GRIA1: variants seen among roughly 807,000 people sequenced by gnomAD.
GRIA1 encodes glutamate ionotropic receptor AMPA type subunit 1.
A neutral mutation model predicts 99.2 loss-of-function variants in GRIA1; 31 were observed. That is an observed-to-expected ratio of 0.31 (90% confidence interval 0.23 to 0.42). The LOEUF (loss-of-function observed/expected upper bound fraction) is 0.42. Among genes scored for constraint, GRIA1 ranks in the 10% least tolerant of loss-of-function variants. The pLI is 1.00. For synonymous variants in GRIA1, 438 were observed against 432.4 expected, an observed-to-expected ratio of 1.01 and a Z score of -0.16; for missense variants, 782 against 1,157.5, an observed-to-expected ratio of 0.68 and a Z score of 4.71.
chr5:153,655,890 GGCTCTCA>G lies in GRIA1; in HGVS notation c.699+23_699+29del. 1 of 1,608,770 alleles carries G rather than the reference GGCTCTCA, an allele frequency of 6.2e-7. No individual in the cohort carries two copies. Among genetic ancestry groups the G allele is most frequent in the Non-Finnish European group, 8.5e-7 (1 of 1,175,454 alleles). ...CAAATCTGGTGAGTAGAGCACTGCA[GGCTCTCA>G]GCTCAAGTCCTTTCCAGGTTTGGGG... On this transcript the variant is annotated intron_variant, in intron 5 of 15. Transcript: ENST00000285900.
intron 2 of GRIA1, among the ~76,000 whole-genome samples, chr5:153,510,987 A>G (rs1756012061): frequency 1.3e-5 from 2 of 152,188 alleles, no homozygotes; most frequent in Non-Finnish European, 2.9e-5. Flanking sequence ...CTGATTAAGC[A>G]AAGTATAAGG....
chr5:153,561,616 A>G (rs184680700), intron 2 of GRIA1, among the ~76,000 whole-genome samples: 28 of 152,236 alleles, frequency 1.8e-4, no homozygotes, highest in Admixed American at 9.8e-4. Context: ...GAAATGGGGG[A>G]AAAAAAGCTT....
chr5:153,632,920 T>G (rs74569903), intron 2 of GRIA1, among the ~76,000 whole-genome samples: 26,969 of 152,212 alleles, frequency 0.18, 2,803 homozygotes, highest in Non-Finnish European at 0.24. Context: ...AGTGAAAAGC[T>G]TTCCACTGGA....
chr5:153,571,992 T>A (rs1296512276), intron 2 of GRIA1, among the ~76,000 whole-genome samples: 1 of 152,192 alleles, frequency 6.6e-6, no homozygotes, highest in Non-Finnish European at 1.5e-5. Flanking sequence ...TAAGAGCCTT[T>A]TAGACTTCCC....
At chr5:153,617,189 A>ATG (rs58804909) in intron 2 of GRIA1, among the ~76,000 whole-genome samples, 3,991 of 152,306 alleles carry the variant, frequency 0.026, 164 homozygotes, top group African/African-American at 0.091. Context: ...TGAGATTCCT[A>ATG]TGAGCCAGAG....
intron 5 of GRIA1, among the ~76,000 whole-genome samples, chr5:153,664,545 C>T (rs1259758931): frequency 1.3e-5 from 2 of 151,920 alleles, no homozygotes; most frequent in African/African-American, 4.8e-5. Context: ...GCTTTTGCTG[C>T]AAGACCTTCC....
chr5:153,497,484 A>ATG (rs1754555837), intron 2 of GRIA1, among the ~76,000 whole-genome samples: 11 of 152,304 alleles, frequency 7.2e-5, no homozygotes, highest in East Asian at 3.9e-4. Flanking sequence ...ACACTGGGCC[A>ATG]GACGCTAGGA....
At chr5:153,728,961 A>G (rs1760789145) in intron 11 of GRIA1, among the ~76,000 whole-genome samples, 1 of 133,244 alleles carries the variant, frequency 7.5e-6, no homozygotes, top group African/African-American at 2.9e-5. Context: ...ACTATTCACA[A>G]TAGCAAAGAC....
Position 153,655,922 on chromosome 5 carries a change from G to A in GRIA1, c.699+50G>A, listed in dbSNP as rs1380987172. 2.0e-6 allele frequency: 3 copies of A among 1,534,036 alleles called. No individual in the cohort carries two copies. The East Asian group carries it at 6.8e-5, about 35-fold the overall frequency. On this transcript the variant is annotated intron_variant, in intron 5 of 15. Transcript: ENST00000285900. ...AGCTCAAGTCCTTTCCAGGTTTGGG[G>A]CCCTACCTTGCTTCTGTTGTCCCTG...
chr5:153,576,022 T>C (rs1581253961), intron 2 of GRIA1, among the ~76,000 whole-genome samples: 1 of 152,216 alleles, frequency 6.6e-6, no homozygotes, highest in East Asian at 1.9e-4. Flanking sequence ...GTAGTTATGC[T>C]ACCCTAAGAA....
intron 11 of GRIA1, among the ~76,000 whole-genome samples, chr5:153,746,663 G>A (rs7707437): frequency 0.4 from 61,192 of 151,996 alleles, 13,572 homozygotes; most frequent in East Asian, 0.94. Flanking sequence ...AGAGCTCTGG[G>A]GGTGGGGGCC....
intron 1 of GRIA1, among the ~76,000 whole-genome samples, chr5:153,492,697 C>G (rs932926483): frequency 2.0e-5 from 3 of 151,770 alleles, no homozygotes; most frequent in African/African-American, 7.3e-5. Flanking sequence ...CATGTATGTG[C>G]TATGTTTTCT....
intron 7 of GRIA1, among the ~76,000 whole-genome samples, chr5:153,677,686 G>A (rs938094101): frequency 5.9e-5 from 9 of 152,218 alleles, no homozygotes; most frequent in South Asian, 2.1e-4. Context: ...AAATGGCCAC[G>A]CCAACTCCAA....
At chr5:153,553,005 T>A (rs1230810193) in intron 2 of GRIA1, among the ~76,000 whole-genome samples, 1 of 152,198 alleles carries the variant, frequency 6.6e-6, no homozygotes, top group East Asian at 1.9e-4. Flanking sequence ...CCTCAAGCAA[T>A]ACTCCCACCT....
intron 5 of GRIA1, among the ~76,000 whole-genome samples, chr5:153,657,349 T>C (rs1294486866): frequency 3.9e-5 from 6 of 152,238 alleles, no homozygotes; most frequent in Non-Finnish European, 8.8e-5. Flanking sequence ...GGCAAGTGTC[T>C]CTTAATGATA....
chr5:153,508,855 T>C (rs145951387), intron 2 of GRIA1, among the ~76,000 whole-genome samples: 1 of 97,016 alleles, frequency 1.0e-5, no homozygotes, highest in East Asian at 8.2e-4. Flanking sequence ...GATTACACTG[T>C]AGGATAGGTT....
rs55872840 is a variant in GRIA1, at chr5:153,566,304, CT to C, written c.220+72255del. 3.6e-4 allele frequency among the ~76,000 whole-genome samples: 13 copies of C among 36,558 alleles called. 1 individual carries two copies. Among genetic ancestry groups the C allele is most frequent in the African/African-American group, 7.6e-4 (10 of 13,100 alleles). 24.0% of individuals were successfully genotyped at this position (36,558 alleles called of 152,430 possible). A position where few individuals can be genotyped will look rare whatever the true frequency, so the allele number is the denominator to read the frequency against. On this transcript the variant is annotated intron_variant, in intron 2 of 15. Transcript: ENST00000285900. ...GAGAAATAGCTCTCCAATTCCCTGC[CT>C]TTTTTTTTTTTTTTTCCAGAGACAG...
chr5:153,580,415 G>A (rs925707702), intron 2 of GRIA1, among the ~76,000 whole-genome samples: 3 of 152,130 alleles, frequency 2.0e-5, no homozygotes, highest in Non-Finnish European at 4.4e-5. Context: ...TGGCCAATTT[G>A]AGCCTAAAAA....
At chr5:153,706,378 C>CACT (rs1170378920) in intron 11 of GRIA1, among the ~76,000 whole-genome samples, 1 of 152,190 alleles carries the variant, frequency 6.6e-6, no homozygotes, top group Non-Finnish European at 1.5e-5. Flanking sequence ...GTACAACTAA[C>CACT]ACTTATGGAG....
Sources: gnomAD v4.1 joint callset for allele counts (sites outside exome capture counted in the v4.1 genomes callset) on GRCh38, gnomAD v4.1.1 for gene constraint, MANE v1.5 for transcripts, NCBI Gene and HGNC (gene_info 2026-07-23, HGNC 2026-07-21) for gene names.